Variants in WIF1 observed in about 807,000 individuals in gnomAD.
The protein encoded by WIF1 is Wnt inhibitory factor 1.
In WIF1, 35 loss-of-function variants were observed where a neutral mutation model predicts 53.5. The observed-to-expected ratio is 0.65, with a 90% CI of 0.50 to 0.87. WIF1 has a LOEUF of 0.87. WIF1 is among the 40% of genes least tolerant of loss of function. WIF1 has a pLI of 0.00. For missense variants in WIF1, 467 were observed against 476.8 expected (o/e 0.98, Z 0.19); for synonymous variants, 171 against 170.4 (o/e 1.00, Z -0.03).
At chr12:65,088,072 C>T (rs1883066680) in intron 2 of WIF1, among the ~76,000 whole-genome samples, 1 of 152,098 alleles carries the variant, frequency 6.6e-6, no homozygotes, top group African/African-American at 2.4e-5. Context: ...AAAAGAGAAA[C>T]TAAGGCAGAA....
At chr12:65,065,550 G>A (rs910324923) in intron 6 of WIF1, among the ~76,000 whole-genome samples, 7 of 152,042 alleles carry the variant, frequency 4.6e-5, no homozygotes, top group East Asian at 1.9e-4. Context: ...CATACTGAAG[G>A]CTCTTTCCTT....
chr12:65,120,131 C>T (rs972091545), intron 2 of WIF1, among the ~76,000 whole-genome samples: 3 of 152,158 alleles, frequency 2.0e-5, no homozygotes, highest in Non-Finnish European at 1.5e-5. Context: ...ATCACAGAAA[C>T]ACAGTGATGT....
chr12:65,112,010 A>T (rs377666274), intron 2 of WIF1, among the ~76,000 whole-genome samples: 2 of 122,622 alleles, frequency 1.6e-5, no homozygotes, highest in Admixed American at 1.6e-4. Context: ...ACAGACATCC[A>T]TATGTCTAGC....
rs978180062 is a variant in WIF1 at position 65,120,987 on chromosome 12, G to C, written c.148+57C>G. On this transcript the variant is annotated intron_variant, in intron 1 of 9. Transcript: ENST00000286574. Reference sequence around the variant, plus strand: ...AGAAACGCAGGTATCCCTCTTTCTTGAAGAGTGGAGAGAGGAGGACATAGG... The same window carrying C: ...AGAAACGCAGGTATCCCTCTTTCTTCAAGAGTGGAGAGAGGAGGACATAGG... 3 of 1,378,416 alleles carry C rather than the reference G, an allele frequency of 2.2e-6. No individual in the cohort carries two copies. The South Asian group carries it at 5.6e-5, about 26-fold the overall frequency. The allele number at this position is 1,378,416 out of a possible 1,614,324, so 85.4% of individuals were successfully genotyped here. A position where few individuals can be genotyped will look rare whatever the true frequency, so the allele number is the denominator to read the frequency against.
chr12:65,090,464 G>A (rs1883105549), intron 2 of WIF1, among the ~76,000 whole-genome samples: 1 of 152,144 alleles, frequency 6.6e-6, no homozygotes, highest in Admixed American at 6.6e-5. Flanking sequence ...CTGGAAGGGA[G>A]CTGATCATTA....
At chr12:65,066,313 C>A (rs1019444611) in intron 6 of WIF1, among the ~76,000 whole-genome samples, 1 of 152,068 alleles carries the variant, frequency 6.6e-6, no homozygotes, top group South Asian at 2.1e-4. Context: ...TACTTCAATC[C>A]TTCTCTGCCT....
At chr12:65,079,153 A>G (rs536068697) in intron 2 of WIF1, among the ~76,000 whole-genome samples, 1 of 123,324 alleles carries the variant, frequency 8.1e-6, no homozygotes, top group Admixed American at 9.1e-5. Flanking sequence ...CAACAGAGCA[A>G]GACTCCATCT....
intron 2 of WIF1, among the ~76,000 whole-genome samples, chr12:65,112,446 A>ACACACACACCAT (rs1565761445): frequency 6.7e-6 from 1 of 149,020 alleles, no homozygotes; most frequent in East Asian, 1.9e-4. Flanking sequence ...ACACACACAC[A>ACACACACACCAT]CACACCATCC....
At chr12:65,092,896 C>A (rs1267949308) in intron 2 of WIF1, among the ~76,000 whole-genome samples, 1 of 152,034 alleles carries the variant, frequency 6.6e-6, no homozygotes, top group Non-Finnish European at 1.5e-5. Context: ...CTGTAGGTGA[C>A]ATCAACTCCT....
At chr12:65,084,529 C>T (rs911067618) in intron 2 of WIF1, among the ~76,000 whole-genome samples, 2 of 152,218 alleles carry the variant, frequency 1.3e-5, no homozygotes, top group Non-Finnish European at 2.9e-5. Flanking sequence ...GGCCCTTAAA[C>T]ATCTACCACT....
intron 2 of WIF1, among the ~76,000 whole-genome samples, chr12:65,105,604 G>C (rs907918189): frequency 1.3e-5 from 2 of 152,110 alleles, no homozygotes; most frequent in African/African-American, 4.8e-5. Flanking sequence ...GGATTTTGTG[G>C]GGGCTTGGAC....
intron 2 of WIF1, among the ~76,000 whole-genome samples, chr12:65,079,765 G>T (rs1275251149): frequency 6.6e-6 from 1 of 152,078 alleles, no homozygotes; most frequent in Non-Finnish European, 1.5e-5. Flanking sequence ...TACCTGTAGA[G>T]ACATCCAGAA....
In WIF1 at chr12:65,068,911, G is replaced by GA. The variant is rs745763266; in HGVS notation, c.398-8dup. ...GGGAAACCAACTTGAACAACTAAAA[G>GA]AAAAAAAGAGAAAGTGTGGAGAAAT... On this transcript the variant is annotated splice_polypyrimidine_tract_variant and splice_region_variant and intron_variant, in intron 3 of 9. Transcript: ENST00000286574. 1.2e-6 allele frequency: 2 copies of GA among 1,602,714 alleles called. No individual in the cohort carries two copies. The highest frequency in any genetic ancestry group is 1.7e-6 in the Non-Finnish European group (2 of 1,176,494).
intron 4 of WIF1, 49 bp downstream of exon 4, chr12:65,068,715 A>G (rs1283981834): frequency 6.3e-7 from 1 of 1,599,940 alleles, no homozygotes; most frequent in Admixed American, 1.7e-5. Flanking sequence ...TCCAAATCAC[A>G]CCTAAGCCCT....
intron 2 of WIF1, among the ~76,000 whole-genome samples, chr12:65,096,318 C>G (rs1209994108): frequency 2.0e-5 from 3 of 152,200 alleles, no homozygotes; most frequent in Non-Finnish European, 4.4e-5. Flanking sequence ...CAATGAGATA[C>G]CATCTCATGC....
chr12:65,056,357 A>T (rs529255407), intron 7 of WIF1, among the ~76,000 whole-genome samples: 2 of 86,544 alleles, frequency 2.3e-5, no homozygotes, highest in African/African-American at 4.3e-5. Context: ...AAAATGCTGC[A>T]TTTATATCCT....
intron 1 of WIF1, 23 bp from the exon 2 acceptor site, chr12:65,120,579 G>A (rs1316696426): frequency 1.9e-6 from 3 of 1,598,102 alleles, no homozygotes; most frequent in Non-Finnish European, 2.6e-6. Flanking sequence ...ATAATAAAAC[G>A]ATCAAACCAG....
chr12:65,103,922 A>G (rs1464286563), intron 2 of WIF1, among the ~76,000 whole-genome samples: 1 of 152,138 alleles, frequency 6.6e-6, no homozygotes, highest in African/African-American at 2.4e-5. Context: ...TTTAAAAGCC[A>G]GGCACAGTGG....
At chr12:65,094,136 C>G (rs187991636) in intron 2 of WIF1, among the ~76,000 whole-genome samples, 68 of 152,196 alleles carry the variant, frequency 4.5e-4, no homozygotes, top group African/African-American at 1.4e-3. Flanking sequence ...CTACTGTCAG[C>G]CTTGAACTAT....
Sources: gnomAD v4.1 joint callset for allele counts (sites outside exome capture counted in the v4.1 genomes callset) on GRCh38, gnomAD v4.1.1 for gene constraint, MANE v1.5 for transcripts, NCBI Gene and HGNC (gene_info 2026-07-23, HGNC 2026-07-21) for gene names.